The following FAAH2 variants were observed in gnomAD, a reference collection of about 807,000 sequenced individuals.
FAAH2 encodes the protein fatty acid amide hydrolase 2.
FAAH2 carries 60 observed loss-of-function variants against 36.9 expected under a neutral mutation model. The observed-to-expected ratio is 1.63, with a 90% confidence interval of 1.32 to 2.02. The LOEUF (loss-of-function observed/expected upper bound fraction) is 2.02. Ranked by LOEUF, FAAH2 falls within the 30% of genes most tolerant of loss-of-function variation. The pLI, the probability that FAAH2 is intolerant of heterozygous loss-of-function variation, is 0.00. For synonymous variants in FAAH2, 214 were observed against 143.8 expected (o/e 1.49, Z -3.49); for missense variants, 689 against 397.5 (o/e 1.73, Z -6.23).
intron 5 of FAAH2, among the ~76,000 whole-genome samples, chrX:57,363,155 G>A (rs183450989): frequency 1.8e-5 from 2 of 111,815 alleles, no homozygotes; most frequent in Admixed American, 1.9e-4. Context: ...ATCTGTAAAT[G>A]GCTTTGGGAA....
At chrX:57,416,778 T>C (rs1255794201) in intron 7 of FAAH2, among the ~76,000 whole-genome samples, 1 of 112,002 alleles carries the variant, frequency 8.9e-6, no homozygotes, top group Non-Finnish European at 1.9e-5. Flanking sequence ...TGGCCTGTCT[T>C]GCTAGGTTGG....
the FAAH2 span, among the ~76,000 whole-genome samples, chrX:57,254,826 A>C: frequency 2.7e-5 from 3 of 111,976 alleles, no homozygotes; most frequent in Non-Finnish European, 5.6e-5. Context: ...AAAGCAAGAG[A>C]CATCTAAAAT....
Position 57,448,611 on chromosome X carries a change from T to C in FAAH2, c.1316T>C (p.Leu439Pro). 1.7e-6 allele frequency: 2 copies of C among 1,211,610 alleles called. No homozygotes were observed. The highest frequency in any genetic ancestry group is 2.2e-6 in the Non-Finnish European group (2 of 895,292). The change falls in exon 10 of 11, where the codon CTG (leucine) becomes CCG (proline). Residue 439 changes from leucine (L) to proline (P), a missense_variant. Coordinates refer to ENST00000374900, the MANE Select transcript of FAAH2 (RefSeq NM_174912.4). Reference protein sequence around the residue: ...KAVEESLRKELVDMLGDDGVF... With the variant: ...KAVEESLRKEPVDMLGDDGVF... Reference sequence around the variant, plus strand: ...GTGGAAGAAAGCCTGCGTAAAGAGCTGGTGGATATGCTAGGTGATGATGGT... The same window carrying C: ...GTGGAAGAAAGCCTGCGTAAAGAGCCGGTGGATATGCTAGGTGATGATGGT...
rs1283719076 is a variant in FAAH2 at position 57,297,503 on chromosome X, CA to C, written c.275+4926del. Among the ~76,000 whole-genome samples, 17 of 99,164 alleles carry C rather than the reference CA, an allele frequency of 1.7e-4. 1 individual carries two copies. The highest frequency in any genetic ancestry group is 2.2e-4 in the Non-Finnish European group (11 of 49,113). The allele number at this position is 99,164 out of a possible 115,157, so 86.1% of individuals were successfully genotyped here. A position where few individuals can be genotyped will look rare whatever the true frequency, so the allele number is the denominator to read the frequency against. ...GATACCAGCCACTGCAAAAACCTGC[CA>C]AATTGTAAAGACCATCAAGGCTAGG... On this transcript the variant is annotated intron_variant, in intron 2 of 10. Transcript: ENST00000374900.
chrX:57,471,946 A>G (rs2057176506), intron 10 of FAAH2, among the ~76,000 whole-genome samples: 1 of 111,629 alleles, frequency 9.0e-6, no homozygotes, highest in Admixed American at 9.6e-5. Flanking sequence ...CCACACATCT[A>G]CAACCATCTG....
chrX:57,373,543 T>C (rs2054602219), intron 5 of FAAH2, among the ~76,000 whole-genome samples: 1 of 111,452 alleles, frequency 9.0e-6, no homozygotes, highest in East Asian at 2.8e-4. Context: ...GAATTGTCTA[T>C]TCATGTCCTT....
chrX:57,453,174 T>C (rs1288105945), intron 10 of FAAH2, among the ~76,000 whole-genome samples: 1 of 112,008 alleles, frequency 8.9e-6, no homozygotes, highest in East Asian at 2.8e-4. Context: ...AGATCTTAGA[T>C]ACAAAAAATT....
intron 1 of FAAH2, among the ~76,000 whole-genome samples, chrX:57,291,771 A>G (rs763992192): frequency 3.6e-5 from 4 of 111,048 alleles, no homozygotes; most frequent in Non-Finnish European, 7.6e-5. Context: ...TAAAACTACA[A>G]TTGTATATAA....
At chrX:57,319,413 C>A (rs1206660400) in intron 3 of FAAH2, among the ~76,000 whole-genome samples, 7 of 111,630 alleles carry the variant, frequency 6.3e-5, no homozygotes, top group Admixed American at 5.7e-4. Flanking sequence ...AGTGAACTCC[C>A]ATTCACAATT....
At chrX:57,304,228 AAAAC>A (rs1371213080) in intron 2 of FAAH2, among the ~76,000 whole-genome samples, 1 of 111,917 alleles carries the variant, frequency 8.9e-6, no homozygotes, top group Admixed American at 9.6e-5. Flanking sequence ...AACAAAAAAC[AAAAC>A]AAACAAACAA....
chrX:57,285,028 A>G (rs2051790485), upstream of FAAH2, among the ~76,000 whole-genome samples: 1 of 112,420 alleles, frequency 8.9e-6, no homozygotes, highest in South Asian at 3.6e-4. Flanking sequence ...AAATATTTTC[A>G]TTTTGACAAA....
chrX:57,396,375 G>GTT (rs151133925), intron 7 of FAAH2, among the ~76,000 whole-genome samples: 37 of 84,173 alleles, frequency 4.4e-4, no homozygotes, highest in African/African-American at 1.1e-3. Context: ...TAGGTTTAGT[G>GTT]TTTTTTTTTT....
At chrX:57,328,893 T>C (rs1437864567) in intron 3 of FAAH2, among the ~76,000 whole-genome samples, 1 of 111,387 alleles carries the variant, frequency 9.0e-6, no homozygotes. Context: ...GGTCCCCACT[T>C]TCTTCTCTGA....
chrX:57,438,427 A>G (rs187293214), intron 8 of FAAH2, among the ~76,000 whole-genome samples: 60 of 107,932 alleles, frequency 5.6e-4, no homozygotes, highest in Non-Finnish European at 8.6e-4. Flanking sequence ...CTGATGAAAG[A>G]AAAAGTAGAT....
chrX:57,412,879 G>A, intron 7 of FAAH2, among the ~76,000 whole-genome samples: 1 of 111,996 alleles, frequency 8.9e-6, no homozygotes, highest in East Asian at 2.8e-4. Flanking sequence ...ACCCTCTCCA[G>A]CATCTGTTGT....
the FAAH2 span, among the ~76,000 whole-genome samples, chrX:57,276,979 C>T: frequency 1.8e-5 from 2 of 110,920 alleles, no homozygotes; most frequent in African/African-American, 3.3e-5. Context: ...TATTCACAGC[C>T]GAATTCTACC....
the FAAH2 span, among the ~76,000 whole-genome samples, chrX:57,147,448 C>G: frequency 9.0e-6 from 1 of 111,730 alleles, no homozygotes; most frequent in Non-Finnish European, 1.9e-5. Context: ...ATTCTCTCTT[C>G]TTTTCTGGGT....
chrX:57,378,323 C>T (rs1356158650), intron 5 of FAAH2, among the ~76,000 whole-genome samples: 1 of 111,248 alleles, frequency 9.0e-6, no homozygotes, highest in Non-Finnish European at 1.9e-5. Context: ...TCTAACTAGT[C>T]CTTTTCCATA....
rs1256147935 is a variant in FAAH2 at position 57,431,909 on chromosome X, T to C, written c.997-9T>C. On this transcript the variant is annotated splice_polypyrimidine_tract_variant and intron_variant, in intron 7 of 10. Transcript: ENST00000374900. ...ATGTTTGTCTGTTTTTATATCTTTCTTTTATAAGGTTGTGGTTCACCTTGA... is the reference window on the plus strand; with the variant it reads ...ATGTTTGTCTGTTTTTATATCTTTCCTTTATAAGGTTGTGGTTCACCTTGA... The C allele has an allele frequency of 4.2e-6, 5 of 1,188,493 alleles. No homozygotes were observed. The highest frequency in any genetic ancestry group is 3.4e-6 in the Non-Finnish European group (3 of 882,571).
Sources: gnomAD v4.1 joint callset for allele counts (sites outside exome capture counted in the v4.1 genomes callset) on GRCh38, gnomAD v4.1.1 for gene constraint, MANE v1.5 for transcripts, NCBI Gene and HGNC (gene_info 2026-07-23, HGNC 2026-07-21) for gene names.